The following PAG1 variants were observed in gnomAD, a reference collection of about 807,000 sequenced individuals.
PAG1 encodes phosphoprotein membrane anchor with glycosphingolipid microdomains 1, also known as phosphoprotein associated with glycosphingolipid-enriched microdomains 1.
PAG1 carries 23 observed loss-of-function variants against 31.7 expected under a neutral mutation model. The ratio of observed to expected loss-of-function variants is 0.73; its 90% confidence interval spans 0.52 to 1.03. The LOEUF (loss-of-function observed/expected upper bound fraction) is 1.03, where lower values mean the gene tolerates loss of function less well. Among genes scored for constraint, PAG1 ranks in the 50% least tolerant of loss-of-function variants. The pLI, the probability that PAG1 is intolerant of heterozygous loss-of-function variation, is 0.00. For synonymous variants in PAG1, 214 were observed against 210.3 expected (o/e 1.02, Z -0.15); for missense variants, 473 against 540.7 (o/e 0.87, Z 1.24).
Position 80,973,875 on chromosome 8 carries a change from T to C in PAG1, c.*2669A>G, listed in dbSNP as rs1248362947. ...GTGCTCCAAATAGCTGAGCCATCTT[T>C]CTAAGGTTCACTCTGCTTCTCTCCC... On this transcript the variant is annotated 3_prime_UTR_variant, in exon 9 of 9. Transcript: ENST00000220597. 1 of 152,224 alleles carries C rather than the reference T, an allele frequency of 6.6e-6. No homozygotes were observed. The highest frequency in any genetic ancestry group is 1.9e-4 in the East Asian group (1 of 5,196). 9.4% of individuals were successfully genotyped at this position (152,224 alleles called of 1,614,324 possible).
At chr8:80,982,178 T>C (rs1289793890) in intron 7 of PAG1, among the ~76,000 whole-genome samples, 1 of 152,168 alleles carries the variant, frequency 6.6e-6, no homozygotes, top group Non-Finnish European at 1.5e-5. Flanking sequence ...TCTCACTTCT[T>C]TATAGCAAAA....
In PAG1 at chr8:80,993,233, G is replaced by C. The variant is rs778292862; in HGVS notation, c.-6C>G. 1 of 1,600,656 alleles carries C rather than the reference G, an allele frequency of 6.2e-7. No homozygotes were observed. Among genetic ancestry groups the C allele is most frequent in the Non-Finnish European group, 8.5e-7 (1 of 1,174,142 alleles). ...AGGCTCCCCGCGGGCCCCATGGCAG[G>C]AGCAGGCACTGGCACCAGCCGAGGG... is the stretch of plus-strand genomic sequence containing the variant. On this transcript the variant is annotated 5_prime_UTR_variant, in exon 4 of 9. Transcript: ENST00000220597.
At chr8:81,102,616 T>C (rs376346960) in intron 1 of PAG1, among the ~76,000 whole-genome samples, 20 of 152,294 alleles carry the variant, frequency 1.3e-4, no homozygotes, top group Non-Finnish European at 2.9e-4. Flanking sequence ...AGCCACAACA[T>C]TCTATGTACT....
At chr8:81,092,326 G>C (rs1465844368) in intron 1 of PAG1, among the ~76,000 whole-genome samples, 1 of 152,166 alleles carries the variant, frequency 6.6e-6, no homozygotes, top group Non-Finnish European at 1.5e-5. Context: ...CAAGGCTGCA[G>C]TGAGCTGTGT....
Position 80,989,107 on chromosome 8 carries a change from T to C in PAG1, c.178-1641A>G, listed in dbSNP as rs183799923. Among the ~76,000 whole-genome samples the C allele has an allele frequency of 7.2e-5, 11 of 152,328 alleles. No individual in the cohort carries two copies. In the East Asian group the frequency reaches 1.7e-3, roughly 24 times the overall value. On this transcript the variant is annotated intron_variant, in intron 5 of 8. Transcript: ENST00000220597. ...GCCTCACAAATTCTCTGACTCTTGA[T>C]TGGAAGCCAGTAATACACAGCAGAT... is the stretch of plus-strand genomic sequence containing the variant.
At chr8:80,983,827 A>G (rs770183779) in intron 7 of PAG1, among the ~76,000 whole-genome samples, 2 of 152,220 alleles carry the variant, frequency 1.3e-5, no homozygotes, top group African/African-American at 2.4e-5. Flanking sequence ...TTTTATGAAC[A>G]TGTTCATAAA....
At chr8:81,079,936 T>C (rs1306966952) in intron 1 of PAG1, among the ~76,000 whole-genome samples, 3 of 151,890 alleles carry the variant, frequency 2.0e-5, no homozygotes, top group Non-Finnish European at 4.4e-5. Flanking sequence ...GCCCGGATAA[T>C]TTTTAAAATT....
rs183062693 is a variant in PAG1 at position 81,041,997 on chromosome 8, A to G, written c.-174-11908T>C. On this transcript the variant is annotated intron_variant, in intron 2 of 8. Coordinates refer to ENST00000220597, the MANE Select transcript of PAG1 (RefSeq NM_018440.4). ...GGGTGCAATCTTATCCCCTTTATCT[A>G]CCAAACTTCTTGTTGTTCAAATGAC... 1.6e-3 allele frequency among the ~76,000 whole-genome samples: 249 copies of G among 152,288 alleles called. 1 individual carries two copies. Among genetic ancestry groups the G allele is most frequent in the Middle Eastern group, 6.8e-3 (2 of 294 alleles).
intron 1 of PAG1, among the ~76,000 whole-genome samples, chr8:81,108,413 T>C (rs1276092180): frequency 1.3e-5 from 2 of 152,098 alleles, no homozygotes; most frequent in East Asian, 3.9e-4. Context: ...ACAGGAAGAG[T>C]AGAACTCTCG....
intron 3 of PAG1, among the ~76,000 whole-genome samples, chr8:81,023,532 G>GTATATA: frequency 6.7e-6 from 1 of 150,130 alleles, no homozygotes; most frequent in African/African-American, 2.4e-5. Context: ...TTTCTCTGCA[G>GTATATA]TATATATATA....
At chr8:81,001,645 C>T (rs994448886) in intron 3 of PAG1, among the ~76,000 whole-genome samples, 1 of 152,172 alleles carries the variant, frequency 6.6e-6, no homozygotes, top group Non-Finnish European at 1.5e-5. Context: ...GAAGTGAGCA[C>T]AGACTGTGTG....
intron 2 of PAG1, among the ~76,000 whole-genome samples, chr8:81,038,988 C>T (rs1317290942): frequency 6.6e-6 from 1 of 152,006 alleles, no homozygotes; most frequent in Non-Finnish European, 1.5e-5. Context: ...GTTTAAACAC[C>T]CTAACAAGAG....
At chr8:81,040,555 G>A (rs145789374) in intron 2 of PAG1, among the ~76,000 whole-genome samples, 22 of 152,034 alleles carry the variant, frequency 1.4e-4, no homozygotes, top group African/African-American at 4.8e-4. Flanking sequence ...GCTTAAATGT[G>A]GAATATTTAT....
chr8:81,066,561 C>A (rs540042599), intron 2 of PAG1, among the ~76,000 whole-genome samples: 60 of 152,136 alleles, frequency 3.9e-4, no homozygotes, highest in African/African-American at 1.4e-3. Context: ...CAGCTTATTC[C>A]CAAAGTACAA....
At position 80,993,143 on chromosome 8, in the gene PAG1, C is replaced by T. The variant is rs147390550; in HGVS notation, c.85G>A (p.Val29Ile). 1.7e-5 allele frequency: 28 copies of T among 1,613,710 alleles called. No homozygotes were observed. The highest frequency in any genetic ancestry group is 2.1e-5 in the Non-Finnish European group (25 of 1,179,896). Residue 29 changes from valine to isoleucine, a missense_variant, in exon 4 of 9, where the codon GTC (valine) becomes ATC (isoleucine). By Grantham distance (29) the Val-to-Ile change is conservative. Coordinates refer to ENST00000220597, the MANE Select transcript of PAG1 (RefSeq NM_018440.4). ...GSLAAVAIFF[V>I]ITFLIFLCSS... is the part of the protein sequence containing the mutation. ...CACAGGAAGATGAGGAAGGTGATGA[C>T]GAAGAAAATGGCGACAGCAGCCAGA...
At chr8:81,085,632 T>C (rs1809338814) in intron 1 of PAG1, among the ~76,000 whole-genome samples, 1 of 152,178 alleles carries the variant, frequency 6.6e-6, no homozygotes, top group African/African-American at 2.4e-5. Context: ...TAGAGGAATA[T>C]ATAGGATTTT....
intron 3 of PAG1, among the ~76,000 whole-genome samples, chr8:81,008,828 T>C (rs1807931581): frequency 6.6e-6 from 1 of 152,048 alleles, no homozygotes. Flanking sequence ...AGGTAGCAGC[T>C]GAACCTACTG....
intron 6 of PAG1, among the ~76,000 whole-genome samples, chr8:80,986,290 A>G (rs980325921): frequency 6.6e-6 from 1 of 152,170 alleles, no homozygotes; most frequent in Non-Finnish European, 1.5e-5. Context: ...GGAGGGGGTG[A>G]ACTTTTGCTC....
intron 8 of PAG1, among the ~76,000 whole-genome samples, chr8:80,979,602 C>T (rs1025669631): frequency 2.6e-5 from 4 of 152,116 alleles, no homozygotes; most frequent in African/African-American, 4.8e-5. Flanking sequence ...GAACATTCAA[C>T]GTGGGTGTCT....
Sources: gnomAD v4.1 joint callset for allele counts (sites outside exome capture counted in the v4.1 genomes callset) on GRCh38, gnomAD v4.1.1 for gene constraint, MANE v1.5 for transcripts, NCBI Gene and HGNC (gene_info 2026-07-23, HGNC 2026-07-21) for gene names.